The following WDR33 variants were observed in gnomAD, a reference collection of about 807,000 sequenced individuals.
WDR33 encodes WD repeat domain 33.
WDR33 carries 47 observed loss-of-function variants against 164.9 expected under a neutral mutation model. That is an observed-to-expected ratio of 0.29 (90% confidence interval 0.23 to 0.36). The LOEUF (loss-of-function observed/expected upper bound fraction) is 0.36. Among genes scored for constraint, WDR33 ranks in the 10% least tolerant of loss-of-function variants. The pLI is 1.00. For missense variants in WDR33, 1,137 were observed against 1,754.1 expected (o/e 0.65, Z 6.28); for synonymous variants, 505 against 589.0 (o/e 0.86, Z 2.06).
At chr2:127,783,163 T>TA (rs1487858495) in intron 1 of WDR33, among the ~76,000 whole-genome samples, 2 of 152,252 alleles carry the variant, frequency 1.3e-5, no homozygotes, top group East Asian at 3.8e-4. Context: ...AAGGGACTAC[T>TA]AAGCTATAAA....
At chr2:127,798,511 A>G (rs1246650399) in intron 1 of WDR33, among the ~76,000 whole-genome samples, 1 of 152,148 alleles carries the variant, frequency 6.6e-6, no homozygotes, top group Non-Finnish European at 1.5e-5. Flanking sequence ...TAAAATGATA[A>G]GCTTAAGCTT....
chr2:127,736,271 A>T, intron 7 of WDR33: 3 of 985,432 alleles, frequency 3.0e-6, no homozygotes, highest in Non-Finnish European at 3.6e-6. Flanking sequence ...AGCAGAATGG[A>T]CACTTCCGGG....
At chr2:127,796,344 G>A (rs1327608919) in intron 1 of WDR33, among the ~76,000 whole-genome samples, 1 of 151,908 alleles carries the variant, frequency 6.6e-6, no homozygotes, top group East Asian at 1.9e-4. Context: ...AAAGTACTGG[G>A]ATTACGGGCA....
chr2:127,736,156 G>A (rs1174404974), intron 7 of WDR33: 8 of 985,244 alleles, frequency 8.1e-6, no homozygotes, highest in African/African-American at 1.7e-5. Flanking sequence ...ATTTGGTCAC[G>A]AGTCTTCTTT....
At chr2:127,769,884 C>T (rs1056622943) in intron 2 of WDR33, among the ~76,000 whole-genome samples, 22 of 152,216 alleles carry the variant, frequency 1.4e-4, no homozygotes, top group African/African-American at 5.3e-4. Context: ...CCTACATTAA[C>T]ACAAGTAAAT....
chr2:127,811,120 C>T lies in WDR33; in HGVS notation c.-132G>A, dbSNP rs938028997. ...CACCCCGATCCTCTCAATCCCGCTC[C>T]TCCAAAGGAGCAGCCGCCATCTTCC... On this transcript the variant is annotated 5_prime_UTR_variant, in exon 1 of 22. Transcript: ENST00000322313. The surrounding 1 kb of genome is among the most constrained non-coding windows in gnomAD (Gnocchi z 4.1). The T allele has an allele frequency of 1.3e-5, 2 of 152,808 alleles. No homozygotes were observed. The highest frequency in any genetic ancestry group is 2.9e-5 in the Non-Finnish European group (2 of 68,138). 9.5% of individuals were successfully genotyped at this position (152,808 alleles called of 1,614,324 possible). A position where few individuals can be genotyped will look rare whatever the true frequency, so the allele number is the denominator to read the frequency against.
intron 7 of WDR33, among the ~76,000 whole-genome samples, chr2:127,750,722 G>GTATGCATACATATATATGTATA (rs1558937056): frequency 1.1e-4 from 4 of 36,996 alleles, no homozygotes; most frequent in African/African-American, 1.6e-4. Context: ...ATGTATGTAT[G>GTATGCATACATATATATGTATA]CATACATATA....
chr2:127,734,226 C>T (rs1475542856), intron 7 of WDR33, among the ~76,000 whole-genome samples: 2 of 152,168 alleles, frequency 1.3e-5, no homozygotes, highest in African/African-American at 4.8e-5. Context: ...AATGTGACAA[C>T]CATAAACTAA....
At chr2:127,797,511 GC>G (rs1235427192) in intron 1 of WDR33, among the ~76,000 whole-genome samples, 1 of 151,982 alleles carries the variant, frequency 6.6e-6, no homozygotes, top group Non-Finnish European at 1.5e-5. Context: ...AAGATATTAA[GC>G]CAAAAAACCC....
In WDR33 at chr2:127,770,885, C is replaced by A. The variant is rs11557686; in HGVS notation, c.97G>T (p.Ala33Ser). The A allele has an allele frequency of 6.2e-7, 1 of 1,614,082 alleles. No homozygotes were observed. Among genetic ancestry groups the A allele is most frequent in the Non-Finnish European group, 8.5e-7 (1 of 1,180,024 alleles). The part of the protein sequence containing the change: ...RQLFYKRPDF[A>S]QQQAMQQLTF... ...AGCTGTTGCATTGCTTGCTGTTGTG[C>A]AAAATCAGGTCGCTTATAAAACAGC... The change falls in exon 2 of 22, where the codon GCA becomes TCA. Residue 33 changes from alanine to serine, a missense_variant. This residue lies in a region of WDR33 where 24 missense variants were observed against 46.7 expected (regional missense o/e 0.51). Coordinates refer to ENST00000322313, the MANE Select transcript of WDR33 (RefSeq NM_018383.5). This position sits in a 1 kb window ranked among gnomAD's most constrained non-coding sequence, Gnocchi z 4.9.
chr2:127,771,767 G>C (rs918360011), intron 1 of WDR33, among the ~76,000 whole-genome samples: 7 of 138,716 alleles, frequency 5.0e-5, no homozygotes, highest in South Asian at 2.7e-4. Flanking sequence ...GACAGGGAGA[G>C]ACCCTGTTGG....
rs1268741515 is a variant in WDR33, at chr2:127,704,710, T to C, written c.*1613A>G. 1 of 167,130 alleles carries C rather than the reference T, an allele frequency of 6.0e-6. No individual in the cohort carries two copies. Among genetic ancestry groups the C allele is most frequent in the Non-Finnish European group, 1.5e-5 (1 of 68,130 alleles). The allele number at this position is 167,130 out of a possible 1,614,324, so 10.4% of individuals were successfully genotyped here. On this transcript the variant is annotated 3_prime_UTR_variant, in exon 22 of 22. Transcript: ENST00000322313. ...ACAGAAATCAATTAGCTTTTGCTGT[T>C]TTTTACATTCATAGAGAACCAGTTA...
rs1017430479 is a variant in WDR33 at position 127,737,704 on chromosome 2, A to C, written c.725-10927T>G. On this transcript the variant is annotated intron_variant, in intron 7 of 21. Transcript: ENST00000322313. ...AAACGCAGAACCAAGAAGGAAAACA[A>C]AAGATGTTTCAAATGATTCTTCTGG... 3.4e-5 allele frequency: 38 copies of C among 1,113,986 alleles called. No homozygotes were observed. In the East Asian group the frequency reaches 2.3e-3, roughly 67 times the overall value. The allele number at this position is 1,113,986 out of a possible 1,614,324, so 69.0% of individuals were successfully genotyped here.
In WDR33 at chr2:127,716,273, A is replaced by G. The variant is rs1686298005; in HGVS notation, c.2869+882T>C. On this transcript the variant is annotated intron_variant, in intron 17 of 21. Coordinates refer to ENST00000322313, the MANE Select transcript of WDR33 (RefSeq NM_018383.5). This position sits in a 1 kb window ranked among gnomAD's most constrained non-coding sequence, Gnocchi z 4.5. ...GCTGACAAGGACTTTTCTTAATTGG[A>G]TAAAACGGGGGCAAAAATCTTAACA... Among the ~76,000 whole-genome samples, 1 of 152,218 alleles carries G rather than the reference A, an allele frequency of 6.6e-6. No homozygotes were observed. Among genetic ancestry groups the G allele is most frequent in the East Asian group, 1.9e-4 (1 of 5,192 alleles).
intron 7 of WDR33, among the ~76,000 whole-genome samples, chr2:127,740,865 C>T (rs1476359202): frequency 1.3e-5 from 2 of 152,178 alleles, no homozygotes; most frequent in South Asian, 2.1e-4. Context: ...GAACTTATTT[C>T]GCAAGACTGA....
intron 1 of WDR33, among the ~76,000 whole-genome samples, chr2:127,806,191 TTTAG>T (rs1689433514): frequency 1.3e-5 from 2 of 150,728 alleles, no homozygotes; most frequent in African/African-American, 2.4e-5. Context: ...TCATCATCTC[TTTAG>T]TTGTTTTTCT....
rs775243476 is a variant in WDR33 at position 127,719,305 on chromosome 2, G to A, written c.2720C>T (p.Thr907Met). 1.0e-5 allele frequency: 15 copies of A among 1,460,906 alleles called. No individual in the cohort carries two copies. Among genetic ancestry groups the A allele is most frequent in the South Asian group, 1.6e-5 (1 of 62,968 alleles). 90.5% of individuals were successfully genotyped at this position (1,460,906 alleles called of 1,614,324 possible). The change falls in exon 16 of 22, where the codon ACG becomes ATG. Residue 907 changes from threonine to methionine, a missense_variant. Physicochemically the swap from Thr to Met is moderately conservative, Grantham distance 81. Around this residue, in one of 9 missense-constraint regions of WDR33, gnomAD observed 867 missense variants for 1,073.0 expected, o/e 0.81. Transcript: ENST00000322313. This position sits in a 1 kb window ranked among gnomAD's most constrained non-coding sequence, Gnocchi z 6.5. ...CCGGGGCCCATCACCTAGCAGAGGC[G>A]TTTTCTGTTGCTGGAATGGTATTGG... Reference protein sequence around the residue: ...QGPIPFQQQKTPLLGDGPRAP... With the variant: ...QGPIPFQQQKMPLLGDGPRAP...
At position 127,714,486 on chromosome 2, in the gene WDR33, GA is replaced by G. The variant is rs1686252638; in HGVS notation, c.2870-466del. On this transcript the variant is annotated intron_variant, in intron 17 of 21. Coordinates refer to ENST00000322313, the MANE Select transcript of WDR33 (RefSeq NM_018383.5). The surrounding 1 kb of genome is among the most constrained non-coding windows in gnomAD (Gnocchi z 4.3). ...TCAACAGGGTGCCACTGCCACCCATGACATCCCTCCTCTAACCCCAGCTTGT... is the reference window on the plus strand; with the variant it reads ...TCAACAGGGTGCCACTGCCACCCATGCATCCCTCCTCTAACCCCAGCTTGT... Among the ~76,000 whole-genome samples the G allele has an allele frequency of 6.6e-6, 1 of 152,192 alleles. No individual in the cohort carries two copies. Among genetic ancestry groups the G allele is most frequent in the Non-Finnish European group, 1.5e-5 (1 of 68,032 alleles).
At chr2:127,801,904 G>C (rs1689263756) in intron 1 of WDR33, among the ~76,000 whole-genome samples, 1 of 151,996 alleles carries the variant, frequency 6.6e-6, no homozygotes, top group South Asian at 2.1e-4. Context: ...GTTAAGGCCA[G>C]GCACAGTGGC....
Sources: allele counts gnomAD v4.1 joint callset (sites outside exome capture counted in the v4.1 genomes callset), GRCh38; gene constraint gnomAD v4.1.1; regional missense constraint gnomAD v4.1.1; non-coding constraint Gnocchi (gnomAD v3.1); transcripts MANE v1.5; gene names NCBI Gene and HGNC (gene_info 2026-07-23, HGNC 2026-07-21).